The following LHFPL2 variants were observed in gnomAD, a reference collection of about 807,000 sequenced individuals.
The protein encoded by LHFPL2 is LHFPL tetraspan subfamily member 2.
Under a neutral mutation model 17.5 loss-of-function variants are expected in LHFPL2, and 7 were observed. The ratio of observed to expected loss-of-function variants is 0.40; its 90% confidence interval spans 0.23 to 0.75. The LOEUF is 0.75. LHFPL2 is among the 30% of genes least tolerant of loss of function. The pLI, the probability that LHFPL2 is intolerant of heterozygous loss-of-function variation, is 0.37. For missense variants in LHFPL2, 241 were observed against 294.8 expected, an observed-to-expected ratio of 0.82 and a Z score of 1.34; for synonymous variants, 134 against 116.2, an observed-to-expected ratio of 1.15 and a Z score of -0.99.
At chr5:78,576,751 T>A (rs1431827785) in intron 2 of LHFPL2, among the ~76,000 whole-genome samples, 1 of 151,964 alleles carries the variant, frequency 6.6e-6, no homozygotes, top group Admixed American at 6.5e-5. Context: ...CTTCTGACAA[T>A]CTTTTTTTGT....
intron 2 of LHFPL2, among the ~76,000 whole-genome samples, chr5:78,589,912 T>C (rs1291462496): frequency 2.6e-5 from 4 of 152,216 alleles, no homozygotes; most frequent in Non-Finnish European, 5.9e-5. Context: ...TTGACAATTA[T>C]TGTAAGTTAA....
At chr5:78,540,528 A>G (rs1756079199) in intron 3 of LHFPL2, among the ~76,000 whole-genome samples, 1 of 152,218 alleles carries the variant, frequency 6.6e-6, no homozygotes, top group Non-Finnish European at 1.5e-5. Context: ...GGCCTTCAGA[A>G]CACATAGGGC....
chr5:78,623,042 A>G (rs1425198915), intron 2 of LHFPL2, among the ~76,000 whole-genome samples: 3 of 152,242 alleles, frequency 2.0e-5, no homozygotes. Context: ...CAAATGGAAG[A>G]AAAGATGGAA....
chr5:78,494,296 GCCAGCCACCAAAGACAAC>G, intron 4 of LHFPL2: 1 of 889,888 alleles, frequency 1.1e-6, no homozygotes, highest in Non-Finnish European at 1.3e-6. Context: ...AATGACACTG[GCCAGCCACCAAAGACAAC>G]GCAGCCACCA....
chr5:78,605,144 C>T (rs2112478192), intron 2 of LHFPL2, among the ~76,000 whole-genome samples: 1 of 152,286 alleles, frequency 6.6e-6, no homozygotes, highest in East Asian at 1.9e-4. Flanking sequence ...TACTGGGCTT[C>T]GAAAGCCAAG....
chr5:78,631,676 C>T (rs1485984957), intron 2 of LHFPL2, among the ~76,000 whole-genome samples: 1 of 152,232 alleles, frequency 6.6e-6, no homozygotes, highest in Non-Finnish European at 1.5e-5. Context: ...TGGGTTATGC[C>T]TGTAATCCCA....
chr5:78,529,148 T>C (rs1580778612), intron 3 of LHFPL2, among the ~76,000 whole-genome samples: 2 of 150,670 alleles, frequency 1.3e-5, no homozygotes, highest in South Asian at 4.2e-4. Flanking sequence ...TAGCCAGACA[T>C]GGTGGCATGC....
chr5:78,601,925 G>C (rs528465754), intron 2 of LHFPL2, among the ~76,000 whole-genome samples: 2 of 152,206 alleles, frequency 1.3e-5, no homozygotes, highest in African/African-American at 4.8e-5. Context: ...GCTGTCAGTA[G>C]GAAGGAGTCA....
At chr5:78,491,639 T>C (rs1175308816) in intron 4 of LHFPL2, among the ~76,000 whole-genome samples, 4 of 152,218 alleles carry the variant, frequency 2.6e-5, no homozygotes, top group Non-Finnish European at 4.4e-5. Context: ...GCTCTGACTT[T>C]AGAGTTTGAA....
At chr5:78,512,461 C>T (rs916508775) in intron 3 of LHFPL2, among the ~76,000 whole-genome samples, 3 of 151,312 alleles carry the variant, frequency 2.0e-5, no homozygotes, top group African/African-American at 4.9e-5. Flanking sequence ...TCATTCTCAG[C>T]TCCCTCCTCC....
chr5:78,557,716 G>A (rs1023579179), intron 3 of LHFPL2, among the ~76,000 whole-genome samples: 4 of 152,194 alleles, frequency 2.6e-5, no homozygotes, highest in African/African-American at 4.8e-5. Flanking sequence ...AAGTTCATTC[G>A]GACTTGCCAA....
intron 2 of LHFPL2, among the ~76,000 whole-genome samples, chr5:78,607,111 C>A (rs965749768): frequency 1.3e-5 from 2 of 151,978 alleles, no homozygotes; most frequent in Non-Finnish European, 2.9e-5. Flanking sequence ...TGTAGTGTAT[C>A]TTCTTTTTTT....
At chr5:78,521,431 C>A (rs1755454757) in intron 3 of LHFPL2, among the ~76,000 whole-genome samples, 1 of 152,200 alleles carries the variant, frequency 6.6e-6, no homozygotes, top group Admixed American at 6.5e-5. Flanking sequence ...AATACTCCAA[C>A]CCAATAGTCT....
intron 3 of LHFPL2, among the ~76,000 whole-genome samples, chr5:78,539,340 A>AT (rs1408339059): frequency 1.3e-5 from 2 of 152,132 alleles, no homozygotes; most frequent in South Asian, 2.1e-4. Flanking sequence ...AGACTGAGGT[A>AT]TTTTTTTATA....
At position 78,510,275 on chromosome 5, in the gene LHFPL2, G is replaced by T; in HGVS notation, c.-62C>A. ...CGGAGTTAATCAAAACAAGAAAGTC[G>T]GTGGGGAAGGAGGCTCGGGCGGCCC... On this transcript the variant is annotated 5_prime_UTR_variant, in exon 4 of 5. Coordinates refer to ENST00000380345, the MANE Select transcript of LHFPL2 (RefSeq NM_005779.3). 8.9e-6 allele frequency: 13 copies of T among 1,464,818 alleles called. No homozygotes were observed. Among genetic ancestry groups the T allele is most frequent in the Non-Finnish European group, 1.2e-5 (13 of 1,095,512 alleles). The allele number at this position is 1,464,818 out of a possible 1,614,324, so 90.7% of individuals were successfully genotyped here.
chr5:78,570,610 A>AAT (rs755323613), intron 2 of LHFPL2, among the ~76,000 whole-genome samples: 136 of 148,504 alleles, frequency 9.2e-4, no homozygotes, highest in Middle Eastern at 7.1e-3. Context: ...TTTAACCTTG[A>AAT]ATATATATAT....
At chr5:78,558,552 G>A (rs1471851395) in intron 3 of LHFPL2, among the ~76,000 whole-genome samples, 3 of 152,030 alleles carry the variant, frequency 2.0e-5, no homozygotes, top group Non-Finnish European at 4.4e-5. Flanking sequence ...ATGTGGCCCA[G>A]GCTGGTCTCA....
intron 4 of LHFPL2, among the ~76,000 whole-genome samples, chr5:78,492,813 T>G (rs2112289952): frequency 6.6e-6 from 1 of 152,346 alleles, no homozygotes; most frequent in Admixed American, 6.5e-5. Context: ...ATCTGCCCTG[T>G]GGGTGTGAAG....
intron 2 of LHFPL2, among the ~76,000 whole-genome samples, chr5:78,571,481 C>A (rs1016865513): frequency 2.6e-5 from 4 of 152,132 alleles, no homozygotes; most frequent in African/African-American, 9.7e-5. Flanking sequence ...ATCCACCATA[C>A]TAATAATTAT....
Sources: gnomAD v4.1 joint callset for allele counts (sites outside exome capture counted in the v4.1 genomes callset) on GRCh38, gnomAD v4.1.1 for gene constraint, MANE v1.5 for transcripts, NCBI Gene and HGNC (gene_info 2026-07-23, HGNC 2026-07-21) for gene names.